CHN2: variants seen among roughly 807,000 people sequenced by gnomAD.
CHN2 encodes beta-chimaerin.
CHN2 carries 35 observed loss-of-function variants against 56.3 expected under a neutral mutation model. The ratio of observed to expected loss-of-function variants is 0.62; its 90% CI spans 0.47 to 0.82. The LOEUF is 0.82. Among genes scored for constraint, CHN2 ranks in the 40% least tolerant of loss-of-function variants. The probability of loss-of-function intolerance (pLI) is 0.00; values close to 1 mark genes in which losing one functional copy is unlikely to be tolerated. For missense variants in CHN2, 491 were observed against 580.5 expected, an observed-to-expected ratio of 0.85 and a Z score of 1.58; for synonymous variants, 210 against 212.8, an observed-to-expected ratio of 0.99 and a Z score of 0.12.
intron 1 of CHN2, among the ~76,000 whole-genome samples, chr7:29,301,148 A>T (rs930906547): frequency 4.6e-5 from 7 of 152,230 alleles, no homozygotes; most frequent in African/African-American, 1.7e-4. Context: ...ATTTTTTCTT[A>T]AAAAGCTTGT....
intron 2 of CHN2, among the ~76,000 whole-genome samples, chr7:29,358,419 T>G (rs1415999218): frequency 6.6e-6 from 1 of 152,076 alleles, no homozygotes; most frequent in East Asian, 1.9e-4. Context: ...AATTTAAAAA[T>G]AAAAGAAAAT....
At chr7:29,502,738 T>C (rs947509679) in intron 9 of CHN2, among the ~76,000 whole-genome samples, 2 of 148,050 alleles carry the variant, frequency 1.4e-5, no homozygotes, top group African/African-American at 2.7e-5. Flanking sequence ...ATATAAGGCA[T>C]AGATTTTTTT....
intron 1 of CHN2, among the ~76,000 whole-genome samples, chr7:29,237,624 C>A (rs1235278082): frequency 6.6e-6 from 1 of 152,142 alleles, no homozygotes; most frequent in African/African-American, 2.4e-5. Flanking sequence ...CAACATCTAA[C>A]CTCTAGGCTA....
At chr7:29,188,129 G>A (rs1308073897) in intron 2 of CHN2, among the ~76,000 whole-genome samples, 1 of 152,192 alleles carries the variant, frequency 6.6e-6, no homozygotes, top group African/African-American at 2.4e-5. Context: ...CTCCAGAAAA[G>A]CAGATGTGAG....
intron 2 of CHN2, among the ~76,000 whole-genome samples, chr7:29,168,638 C>T (rs1017046896): frequency 1.3e-5 from 2 of 152,196 alleles, no homozygotes; most frequent in Non-Finnish European, 2.9e-5. Context: ...ATCCCCCAAC[C>T]TGTATAGGCT....
intron 6 of CHN2, among the ~76,000 whole-genome samples, chr7:29,462,958 C>T (rs527723592): frequency 1.2e-4 from 16 of 130,518 alleles, no homozygotes; most frequent in African/African-American, 4.4e-4. Context: ...CAAGTTTATC[C>T]GGGTTCCCAA....
At position 29,495,936 on chromosome 7, in the gene CHN2, T is replaced by A; in HGVS notation, c.655-16T>A. ...ACTCTGAGCTTTCTGACATTTTTCTTCTTTTTGGATCACAGGTCCACACGT... is the reference window on the plus strand; with the variant it reads ...ACTCTGAGCTTTCTGACATTTTTCTACTTTTTGGATCACAGGTCCACACGT... On this transcript the variant is annotated splice_polypyrimidine_tract_variant and intron_variant, in intron 7 of 12. Coordinates refer to ENST00000222792, the MANE Select transcript of CHN2 (RefSeq NM_004067.4). 2 of 1,611,274 alleles carry A rather than the reference T, an allele frequency of 1.2e-6. No individual in the cohort carries two copies. Among genetic ancestry groups the A allele is most frequent in the Non-Finnish European group, 1.7e-6 (2 of 1,178,146 alleles).
intron 1 of CHN2, among the ~76,000 whole-genome samples, chr7:29,314,810 G>A (rs1175012240): frequency 1.3e-5 from 2 of 151,932 alleles, no homozygotes; most frequent in Non-Finnish European, 2.9e-5. Context: ...AGCCTTTACT[G>A]CTGTTTATTT....
At chr7:29,273,371 A>ATATATGTG (rs1554387287) in intron 1 of CHN2, among the ~76,000 whole-genome samples, 50 of 48,630 alleles carry the variant, frequency 1.0e-3, no homozygotes, top group Non-Finnish European at 1.4e-3. Flanking sequence ...ATATATATAT[A>ATATATGTG]TATATATATA....
chr7:29,188,161 G>A (rs1798954349), intron 2 of CHN2, among the ~76,000 whole-genome samples: 1 of 152,154 alleles, frequency 6.6e-6, no homozygotes, highest in South Asian at 2.1e-4. Context: ...TTGCTCTAAG[G>A]AACAGAGGCC....
chr7:29,271,897 A>G (rs564023327), intron 1 of CHN2, among the ~76,000 whole-genome samples: 2 of 152,256 alleles, frequency 1.3e-5, no homozygotes, highest in African/African-American at 4.8e-5. Flanking sequence ...CTCCCCACCA[A>G]CACTTCATAC....
intron 6 of CHN2, among the ~76,000 whole-genome samples, chr7:29,407,251 C>A (rs1023226025): frequency 1.6e-4 from 24 of 152,040 alleles, no homozygotes; most frequent in African/African-American, 5.8e-4. Context: ...GAAAAGGATG[C>A]TTTTCAGCAG....
At chr7:29,152,863 TCTC>T (rs1793794924) in intron 2 of CHN2, among the ~76,000 whole-genome samples, 1 of 152,168 alleles carries the variant, frequency 6.6e-6, no homozygotes. Flanking sequence ...ATTTGCAAAT[TCTC>T]CTCCATGGTC....
At chr7:29,303,155 A>G (rs1793836941) in intron 1 of CHN2, among the ~76,000 whole-genome samples, 1 of 152,106 alleles carries the variant, frequency 6.6e-6, no homozygotes. Flanking sequence ...TCATCCCCCT[A>G]GTCATTGCCG....
chr7:29,388,123 ACT>A (rs1401194760), intron 3 of CHN2, among the ~76,000 whole-genome samples: 2 of 152,052 alleles, frequency 1.3e-5, no homozygotes, highest in African/African-American at 2.4e-5. Context: ...TGGAATATAG[ACT>A]CTTGCTGTTT....
intron 6 of CHN2, chr7:29,479,735 T>C (rs1585543593): frequency 8.9e-7 from 1 of 1,118,296 alleles, no homozygotes; most frequent in East Asian, 6.2e-5. Flanking sequence ...TGAAATGTGC[T>C]AATAAGGAGG....
chr7:29,350,182 T>C (rs1368684364), intron 1 of CHN2, among the ~76,000 whole-genome samples: 1 of 152,236 alleles, frequency 6.6e-6, no homozygotes, highest in Non-Finnish European at 1.5e-5. Flanking sequence ...AGCTCTCACC[T>C]CTGCCTCTAA....
chr7:29,466,246 G>GGAAGGAAA (rs1470657696), intron 6 of CHN2, among the ~76,000 whole-genome samples: 1 of 151,646 alleles, frequency 6.6e-6, no homozygotes, highest in East Asian at 1.9e-4. Context: ...AAGGAAGGAA[G>GGAAGGAAA]GAAAGAAAGA....
At chr7:29,371,418 G>T (rs568313536) in intron 3 of CHN2, among the ~76,000 whole-genome samples, 3 of 152,160 alleles carry the variant, frequency 2.0e-5, no homozygotes, top group Non-Finnish European at 4.4e-5. Context: ...TTGGGCAGCC[G>T]CAGCACCTGA....
Sources: allele counts gnomAD v4.1 joint callset (sites outside exome capture counted in the v4.1 genomes callset), GRCh38; gene constraint gnomAD v4.1.1; transcripts MANE v1.5; gene names NCBI Gene and HGNC (gene_info 2026-07-23, HGNC 2026-07-21).